The following ANO6 variants were observed in gnomAD, a reference collection of about 807,000 sequenced individuals.
ANO6 encodes anoctamin 6.
A neutral mutation model predicts 117.5 loss-of-function variants in ANO6; 106 were observed. The observed-to-expected ratio is 0.90, with a 90% CI of 0.77 to 1.06. ANO6 has a LOEUF of 1.06. Among genes scored for constraint, ANO6 ranks in the 50% least tolerant of loss-of-function variants. The pLI is 0.00. For missense variants in ANO6, 955 were observed against 1,121.1 expected, an observed-to-expected ratio of 0.85 and a Z score of 2.12; for synonymous variants, 367 against 385.1, an observed-to-expected ratio of 0.95 and a Z score of 0.55.
At chr12:45,260,130 G>A (rs769310301) in intron 1 of ANO6, among the ~76,000 whole-genome samples, 16 of 152,168 alleles carry the variant, frequency 1.1e-4, no homozygotes, top group Non-Finnish European at 1.9e-4. Flanking sequence ...TTTGAAAGCC[G>A]AGCACTTAGC....
chr12:45,247,002 GCTCACTGCACCCTCCGC>G (rs1947835875), intron 1 of ANO6, among the ~76,000 whole-genome samples: 1 of 152,038 alleles, frequency 6.6e-6, no homozygotes, highest in African/African-American at 2.4e-5. Context: ...CGTGATCTCG[GCTCACTGCACCCTCCGC>G]CTCCTGGGCG....
At position 45,370,984 on chromosome 12, in the gene ANO6, C is replaced by T. The variant is rs901914598; in HGVS notation, c.1104+3191C>T. On this transcript the variant is annotated intron_variant, in intron 9 of 19. Coordinates refer to ENST00000320560, the MANE Select transcript of ANO6 (RefSeq NM_001025356.3). The stretch of plus-strand genomic sequence containing the variant: ...TCACTAGGGAGTGCCAGACAGTGGG[C>T]GCAGGTCAGTGGGTGCACGCACCGT... Among the ~76,000 whole-genome samples, 6 of 152,034 alleles carry T rather than the reference C, an allele frequency of 3.9e-5. No homozygotes were observed. The East Asian group carries it at 5.8e-4, about 15-fold the overall frequency.
chr12:45,337,277 G>C (rs1047102866), intron 3 of ANO6, among the ~76,000 whole-genome samples: 24 of 152,004 alleles, frequency 1.6e-4, no homozygotes, highest in Non-Finnish European at 7.4e-5. Flanking sequence ...TCTGTAAAAT[G>C]TTTATACAGT....
At chr12:45,414,288 G>C (rs191452647) in intron 16 of ANO6, among the ~76,000 whole-genome samples, 58 of 152,038 alleles carry the variant, frequency 3.8e-4, no homozygotes, top group Admixed American at 3.3e-3. Context: ...GTTTTGCGTT[G>C]ACTTTTTGTT....
intron 2 of ANO6, among the ~76,000 whole-genome samples, chr12:45,308,045 G>A (rs1388049270): frequency 1.1e-4 from 3 of 27,934 alleles, no homozygotes; most frequent in African/African-American, 2.2e-4. Flanking sequence ...GTGTGTGTGT[G>A]TAATTTTTTT....
At chr12:45,234,409 T>C (rs1947616542) in intron 1 of ANO6, among the ~76,000 whole-genome samples, 1 of 152,200 alleles carries the variant, frequency 6.6e-6, no homozygotes, top group Non-Finnish European at 1.5e-5. Context: ...CTACTGATTT[T>C]TTTTTACTGG....
chr12:45,317,107 T>TTATGTGTGTGTGTGTA lies in ANO6; in HGVS notation c.151-14185_151-14184insGTGTGTGTGTGTATAT, dbSNP rs1185224135. ...TTAAGAAAAGACAGCTGGATTCTTT[T>TTATGTGTGTGTGTGTA]TATATGTATATATATATATATATAT... On this transcript the variant is annotated intron_variant, in intron 2 of 19. Coordinates refer to ENST00000320560, the MANE Select transcript of ANO6 (RefSeq NM_001025356.3). Among the ~76,000 whole-genome samples the TTATGTGTGTGTGTGTA allele has an allele frequency of 5.6e-4, 7 of 12,464 alleles. 1 individual carries two copies. The highest frequency in any genetic ancestry group is 6.3e-4 in the African/African-American group (7 of 11,198). The allele number at this position is 12,464 out of a possible 152,430, so 8.2% of individuals were successfully genotyped here.
At chr12:45,287,313 G>T (rs1346295957) in intron 1 of ANO6, among the ~76,000 whole-genome samples, 2 of 152,168 alleles carry the variant, frequency 1.3e-5, no homozygotes, top group Non-Finnish European at 2.9e-5. Context: ...GAGCTCCGGG[G>T]TTCACATTTT....
chr12:45,439,824 C>G, exon 20 of ANO6: 1 of 1,546,442 alleles, frequency 6.5e-7, no homozygotes, highest in Non-Finnish European at 8.7e-7. Flanking sequence ...TTGACTCCCT[C>G]TATTATATAT....
At chr12:45,433,660 C>T (rs1257703228), downstream of ANO6, among the ~76,000 whole-genome samples, 2 of 151,774 alleles carry the variant, frequency 1.3e-5, no homozygotes, top group African/African-American at 4.9e-5. Context: ...CTCTCCTAAG[C>T]TCTCTCTTCT....
chr12:45,411,641 G>A (rs1022003553), intron 16 of ANO6, among the ~76,000 whole-genome samples: 7 of 152,106 alleles, frequency 4.6e-5, no homozygotes, highest in African/African-American at 1.7e-4. Context: ...TTTAAATTGT[G>A]GCTCTAACTG....
At chr12:45,382,095 T>C (rs1250104024) in intron 10 of ANO6, among the ~76,000 whole-genome samples, 1 of 152,266 alleles carries the variant, frequency 6.6e-6, no homozygotes, top group East Asian at 1.9e-4. Context: ...AGTCTTTAGA[T>C]TGATGACAAA....
At chr12:45,281,878 G>A (rs775579430) in intron 1 of ANO6, among the ~76,000 whole-genome samples, 8 of 152,214 alleles carry the variant, frequency 5.3e-5, no homozygotes, top group Non-Finnish European at 1.0e-4. Context: ...CTACTGAAAA[G>A]ATAAGTGATT....
At chr12:45,229,076 G>A (rs1411629803) in intron 1 of ANO6, among the ~76,000 whole-genome samples, 3 of 152,160 alleles carry the variant, frequency 2.0e-5, no homozygotes, top group Non-Finnish European at 4.4e-5. Flanking sequence ...ATGAGGTGAA[G>A]GTGATCTTTT....
At chr12:45,231,808 A>G (rs563187872) in intron 1 of ANO6, among the ~76,000 whole-genome samples, 2 of 152,298 alleles carry the variant, frequency 1.3e-5, no homozygotes, top group Admixed American at 6.5e-5. Context: ...CAGGCCTTTT[A>G]TCTGCTCCAA....
chr12:45,281,960 G>A (rs1938751629), intron 1 of ANO6, among the ~76,000 whole-genome samples: 2 of 152,146 alleles, frequency 1.3e-5, no homozygotes, highest in Admixed American at 1.3e-4. Context: ...AATAACAGAT[G>A]CAAGGGGCTT....
At chr12:45,244,453 G>T (rs967017931) in intron 1 of ANO6, among the ~76,000 whole-genome samples, 3 of 151,502 alleles carry the variant, frequency 2.0e-5, no homozygotes, top group African/African-American at 7.3e-5. Flanking sequence ...TGGAGGAGGA[G>T]TATTGTTGAA....
chr12:45,364,330 T>C (rs1351253890), intron 8 of ANO6, among the ~76,000 whole-genome samples: 1 of 152,236 alleles, frequency 6.6e-6, no homozygotes, highest in Non-Finnish European at 1.5e-5. Flanking sequence ...TTCCTGGATA[T>C]GCAAAATAGT....
chr12:45,379,657 G>T (rs750884866), intron 10 of ANO6, among the ~76,000 whole-genome samples: 5 of 152,072 alleles, frequency 3.3e-5, no homozygotes, highest in African/African-American at 1.2e-4. Flanking sequence ...TATACTAATG[G>T]ATGCTGATAG....
Sources: gnomAD v4.1 joint callset for allele counts (sites outside exome capture counted in the v4.1 genomes callset) on GRCh38, gnomAD v4.1.1 for gene constraint, MANE v1.5 for transcripts, NCBI Gene and HGNC (gene_info 2026-07-23, HGNC 2026-07-21) for gene names.